FAM13B: variants seen among roughly 807,000 people sequenced by gnomAD.
The protein encoded by FAM13B is family with sequence similarity 13 member B, also known as protein FAM13B.
In FAM13B, 60 loss-of-function variants were observed where a neutral mutation model predicts 117.3. The observed-to-expected ratio is 0.51, with a 90% confidence interval of 0.42 to 0.63. The LOEUF is 0.63. Among genes scored for constraint, FAM13B ranks in the 30% least tolerant of loss-of-function variants. FAM13B has a pLI of 0.00. For missense variants in FAM13B, 972 were observed against 1,091.9 expected, an observed-to-expected ratio of 0.89 and a Z score of 1.55; for synonymous variants, 332 against 356.1, an observed-to-expected ratio of 0.93 and a Z score of 0.76.
intron 4 of FAM13B, among the ~76,000 whole-genome samples, chr5:138,015,141 A>G (rs1784951604): frequency 6.6e-6 from 1 of 152,212 alleles, no homozygotes; most frequent in South Asian, 2.1e-4. Flanking sequence ...TGCCTTTGGT[A>G]GAGGTCAGGG....
At chr5:138,021,832 A>G (rs1786812292) in intron 1 of FAM13B, among the ~76,000 whole-genome samples, 2 of 152,182 alleles carry the variant, frequency 1.3e-5, no homozygotes, top group African/African-American at 4.8e-5. Flanking sequence ...AACTACCTGT[A>G]CAGGCCAGGT....
chr5:137,960,142 C>G (rs1394851766), intron 12 of FAM13B, 24 bp downstream of exon 12: 5 of 1,455,952 alleles, frequency 3.4e-6, no homozygotes, highest in South Asian at 2.5e-5. Flanking sequence ...TTTTTAAAGA[C>G]TAAGACAAAA....
intron 16 of FAM13B, 39 bp downstream of exon 16, chr5:137,953,297 A>G: frequency 6.2e-7 from 1 of 1,607,208 alleles, no homozygotes; most frequent in Non-Finnish European, 8.5e-7. Flanking sequence ...CAGTTCTAAT[A>G]TTAGATTAAG....
At chr5:138,016,071 C>T (rs1431488256) in intron 4 of FAM13B, among the ~76,000 whole-genome samples, 2 of 152,140 alleles carry the variant, frequency 1.3e-5, no homozygotes, top group African/African-American at 4.8e-5. Flanking sequence ...TGAATGTTAG[C>T]ATAAGAATAA....
chr5:137,965,925 G>C (rs1259892286), intron 10 of FAM13B, among the ~76,000 whole-genome samples: 1 of 151,984 alleles, frequency 6.6e-6, no homozygotes, highest in Non-Finnish European at 1.5e-5. Context: ...GTATTTTGAT[G>C]TGAGTTCTAA....
intron 10 of FAM13B, among the ~76,000 whole-genome samples, chr5:137,967,291 C>T (rs766207573): frequency 3.9e-4 from 59 of 152,040 alleles, no homozygotes; most frequent in Non-Finnish European, 5.7e-4. Context: ...TTTGAGAGGC[C>T]GAGGTGGGTG....
At chr5:137,976,429 A>G (rs910059201) in intron 10 of FAM13B, among the ~76,000 whole-genome samples, 1 of 152,132 alleles carries the variant, frequency 6.6e-6, no homozygotes, top group African/African-American at 2.4e-5. Flanking sequence ...CTTTAATTGG[A>G]ATTTTTTGCT....
intron 17 of FAM13B, among the ~76,000 whole-genome samples, chr5:137,951,708 G>A (rs560985835): frequency 2.0e-5 from 3 of 152,146 alleles, no homozygotes; most frequent in Admixed American, 2.0e-4. Context: ...CAGGTGCAGT[G>A]GCTCACACCT....
chr5:137,996,063 C>T (rs1460376346), intron 7 of FAM13B, among the ~76,000 whole-genome samples: 3 of 152,124 alleles, frequency 2.0e-5, no homozygotes, highest in Non-Finnish European at 4.4e-5. Context: ...TACTACAGTC[C>T]GCATACCCCT....
intron 10 of FAM13B, among the ~76,000 whole-genome samples, chr5:137,966,488 T>TATATATATATATAGAG (rs1461425784): frequency 1.0e-4 from 3 of 29,484 alleles, no homozygotes; most frequent in African/African-American, 1.3e-4. Flanking sequence ...TATATATATA[T>TATATATATATATAGAG]AGAGAGAGAG....
chr5:137,964,996 G>A (rs555510716), intron 10 of FAM13B, among the ~76,000 whole-genome samples: 48 of 151,874 alleles, frequency 3.2e-4, no homozygotes, highest in African/African-American at 1.1e-3. Flanking sequence ...GTGAAATCCC[G>A]TCTACTAAAA....
chr5:138,007,825 A>G (rs891792689), intron 6 of FAM13B, among the ~76,000 whole-genome samples: 2 of 152,220 alleles, frequency 1.3e-5, no homozygotes, highest in Non-Finnish European at 2.9e-5. Flanking sequence ...GAGAAGGAAA[A>G]CCAGCAAAAT....
chr5:137,986,889 G>C (rs1448862915), intron 9 of FAM13B, among the ~76,000 whole-genome samples: 1 of 152,188 alleles, frequency 6.6e-6, no homozygotes. Context: ...TTTCTTCTGA[G>C]TATCATGTCA....
intron 1 of FAM13B, among the ~76,000 whole-genome samples, chr5:138,046,951 GGC>G (rs1014968213): frequency 6.6e-6 from 1 of 151,678 alleles, no homozygotes; most frequent in Non-Finnish European, 1.5e-5. Flanking sequence ...TCACCATCTT[GGC>G]CAGGCTGGTC....
intron 9 of FAM13B, among the ~76,000 whole-genome samples, chr5:137,986,549 C>T (rs1212148598): frequency 6.6e-6 from 1 of 152,062 alleles, no homozygotes; most frequent in Admixed American, 6.6e-5. Context: ...AGAGGCTTTC[C>T]TTCATTTAAA....
chr5:137,968,976 C>G (rs1012633538), intron 10 of FAM13B, among the ~76,000 whole-genome samples: 3 of 152,204 alleles, frequency 2.0e-5, no homozygotes, highest in African/African-American at 7.2e-5. Flanking sequence ...CAGAGTCTCG[C>G]TGATTGCTAC....
intron 8 of FAM13B, 101 bp downstream of exon 8, chr5:137,988,173 G>A (rs1777699743): frequency 2.3e-6 from 2 of 858,280 alleles, no homozygotes; most frequent in Middle Eastern, 3.7e-4. Context: ...CCTGTGTACA[G>A]TCTTTCCTCT....
chr5:138,021,144 C>A lies in FAM13B; in HGVS notation c.-149G>T. On this transcript the variant is annotated 5_prime_UTR_variant, in exon 2 of 24. In the 5' UTR this introduces an upstream ATG that the reference lacks. Transcript: ENST00000689681. ...TTTGAGATTATGGCAGAAGATCAGCCTGTAGTTCCTCATTGAAGAAATGCA... is the reference window on the plus strand; with the variant it reads ...TTTGAGATTATGGCAGAAGATCAGCATGTAGTTCCTCATTGAAGAAATGCA... The A allele has an allele frequency of 8.1e-7, 1 of 1,231,686 alleles. No individual in the cohort carries two copies. Among genetic ancestry groups the A allele is most frequent in the Non-Finnish European group, 1.0e-6 (1 of 987,938 alleles). 76.3% of individuals were successfully genotyped at this position (1,231,686 alleles called of 1,614,324 possible).
At chr5:137,996,794 T>C (rs779230271) in intron 7 of FAM13B, among the ~76,000 whole-genome samples, 7 of 152,078 alleles carry the variant, frequency 4.6e-5, no homozygotes, top group Non-Finnish European at 8.8e-5. Context: ...GGTTTCACTA[T>C]GTTGGCCAGG....
Sources: allele counts gnomAD v4.1 joint callset (sites outside exome capture counted in the v4.1 genomes callset), GRCh38; gene constraint gnomAD v4.1.1; transcripts MANE v1.5; gene names NCBI Gene and HGNC (gene_info 2026-07-23, HGNC 2026-07-21).